BRWD1: variants seen among roughly 807,000 people sequenced by gnomAD.
BRWD1 encodes the protein bromodomain and WD repeat domain containing 1, also known as bromodomain and WD repeat-containing protein 1.
A neutral mutation model predicts 251.2 loss-of-function variants in BRWD1; 82 were observed. That is an observed-to-expected ratio of 0.33 (90% CI 0.27 to 0.39). The LOEUF (loss-of-function observed/expected upper bound fraction) is 0.39. BRWD1 is among the 10% of genes least tolerant of loss of function. BRWD1 has a pLI of 1.00. For synonymous variants in BRWD1, 918 were observed against 902.8 expected, an observed-to-expected ratio of 1.02 and a Z score of -0.30; for missense variants, 2,233 against 2,711.6, an observed-to-expected ratio of 0.82 and a Z score of 3.92.
intron 13 of BRWD1, among the ~76,000 whole-genome samples, chr21:39,272,506 G>A (rs939833628): frequency 8.7e-5 from 13 of 149,962 alleles, no homozygotes; most frequent in African/African-American, 1.7e-4. Context: ...CAGCCTGGGC[G>A]ACAGAGCAAG....
chr21:39,258,718 CA>C (rs770726409), intron 17 of BRWD1, 46 bp from the exon 18 acceptor site: 448 of 1,335,152 alleles, frequency 3.4e-4, no homozygotes, highest in South Asian at 6.6e-4. Flanking sequence ...AAGCAGAAAA[CA>C]AAAAAAAATT....
chr21:39,249,971 T>TATATA (rs2034341734), intron 20 of BRWD1, among the ~76,000 whole-genome samples: 1 of 149,904 alleles, frequency 6.7e-6, no homozygotes, highest in African/African-American at 2.5e-5. Flanking sequence ...CACACACACA[T>TATATA]AGATATATAT....
intron 8 of BRWD1, among the ~76,000 whole-genome samples, chr21:39,286,750 G>T (rs1011700553): frequency 1.1e-4 from 16 of 151,880 alleles, no homozygotes; most frequent in African/African-American, 3.9e-4. Flanking sequence ...TCCTGACCTC[G>T]TGATCCGCCC....
intron 17 of BRWD1, among the ~76,000 whole-genome samples, chr21:39,264,134 G>A (rs8127391): frequency 0.93 from 141,030 of 152,208 alleles, 65,686 homozygotes; most frequent in African/African-American, 0.97. Flanking sequence ...GAGAATTTTA[G>A]AAGCTATAAA....
intron 37 of BRWD1, among the ~76,000 whole-genome samples, chr21:39,204,787 C>T (rs2032310761): frequency 6.6e-6 from 1 of 152,284 alleles, no homozygotes; most frequent in South Asian, 2.1e-4. Flanking sequence ...AAGGAGCACA[C>T]AACCTGGATC....
At chr21:39,281,879 AATAT>A (rs1555874373) in intron 8 of BRWD1, among the ~76,000 whole-genome samples, 1 of 83,184 alleles carries the variant, frequency 1.2e-5, no homozygotes, top group Admixed American at 1.6e-4. Context: ...TACCAAAAAA[AATAT>A]ATATATATAT....
chr21:39,281,842 G>A (rs1489032523), intron 8 of BRWD1, among the ~76,000 whole-genome samples: 3 of 150,958 alleles, frequency 2.0e-5, no homozygotes, highest in South Asian at 2.1e-4. Flanking sequence ...CACTCCAGCC[G>A]GGACAACACA....
At chr21:39,260,083 AT>A (rs2034692287) in intron 17 of BRWD1, among the ~76,000 whole-genome samples, 1 of 152,136 alleles carries the variant, frequency 6.6e-6, no homozygotes, top group African/African-American at 2.4e-5. Flanking sequence ...GCTAAATGTT[AT>A]ATCTCATATT....
chr21:39,255,951 T>C (rs1300778576), intron 18 of BRWD1, 123 bp from the exon 19 acceptor site: 4 of 874,470 alleles, frequency 4.6e-6, no homozygotes, highest in Non-Finnish European at 6.9e-6. Context: ...GAAGATAGTA[T>C]CTACTGAAAA....
intron 21 of BRWD1, among the ~76,000 whole-genome samples, chr21:39,240,992 G>C (rs1036228959): frequency 1.3e-5 from 2 of 151,386 alleles, no homozygotes; most frequent in East Asian, 2.0e-4. Flanking sequence ...CCTCCACTTC[G>C]TGGGTTCAAA....
rs763460538 is a variant in BRWD1 at position 39,313,232 on chromosome 21, C to G, written c.108+9G>C. On this transcript the variant is annotated intron_variant, in intron 2 of 40. Coordinates refer to ENST00000342449, the MANE Select transcript of BRWD1 (RefSeq NM_033656.4). ...CCAAGTCCGCAGCCGCCCGCGGGCC[C>G]GCACTCACCTGGGCCGCTCTCCGAC... 7 of 1,534,102 alleles carry G rather than the reference C, an allele frequency of 4.6e-6. No individual in the cohort carries two copies. Among genetic ancestry groups the G allele is most frequent in the Non-Finnish European group, 5.3e-6 (6 of 1,134,214 alleles).
chr21:39,282,681 A>G (rs1042250967), intron 8 of BRWD1, among the ~76,000 whole-genome samples: 1 of 152,166 alleles, frequency 6.6e-6, no homozygotes, highest in Admixed American at 6.6e-5. Flanking sequence ...CTAGAGGCCA[A>G]GCACAGTTGC....
chr21:39,311,236 T>C (rs2036473416), intron 4 of BRWD1, among the ~76,000 whole-genome samples: 1 of 152,148 alleles, frequency 6.6e-6, no homozygotes, highest in Non-Finnish European at 1.5e-5. Context: ...GGCAGGAGGA[T>C]AGTTCAATGC....
intron 7 of BRWD1, 113 bp downstream of exon 7, chr21:39,295,630 A>T: frequency 1.2e-6 from 1 of 819,156 alleles, no homozygotes; most frequent in Non-Finnish European, 1.8e-6. Context: ...CACCATACCT[A>T]CTGAGTCAAA....
intron 4 of BRWD1, among the ~76,000 whole-genome samples, chr21:39,308,244 G>A (rs8128620): frequency 6.6e-6 from 1 of 151,952 alleles, no homozygotes; most frequent in Non-Finnish European, 1.5e-5. Context: ...CACTTTGGGA[G>A]GCCAATGCAG....
At chr21:39,319,771 C>T (rs2036730693) in intron 1 of BRWD1, among the ~76,000 whole-genome samples, 1 of 152,266 alleles carries the variant, frequency 6.6e-6, no homozygotes, top group South Asian at 2.1e-4. Flanking sequence ...TCCATTCCCA[C>T]TTAGTTCAGG....
chr21:39,291,937 C>T (rs975561739), intron 8 of BRWD1, among the ~76,000 whole-genome samples: 1 of 152,120 alleles, frequency 6.6e-6, no homozygotes, highest in Non-Finnish European at 1.5e-5. Flanking sequence ...ATGTTTCAGG[C>T]ATAAGTCTCT....
chr21:39,258,217 AC>A (rs2146634099), intron 18 of BRWD1, among the ~76,000 whole-genome samples: 1 of 152,122 alleles, frequency 6.6e-6, no homozygotes, highest in African/African-American at 2.4e-5. Context: ...TATTTTAAAA[AC>A]CAATCTGTTA....
intron 21 of BRWD1, among the ~76,000 whole-genome samples, chr21:39,245,379 CGCCTCTGAA>C (rs769327859): frequency 1.3e-5 from 2 of 152,140 alleles, no homozygotes; most frequent in Non-Finnish European, 2.9e-5. Context: ...CATGTTACCA[CGCCTCTGAA>C]GTACATATTA....
Sources: allele counts gnomAD v4.1 joint callset (sites outside exome capture counted in the v4.1 genomes callset), GRCh38; gene constraint gnomAD v4.1.1; transcripts MANE v1.5; gene names NCBI Gene and HGNC (gene_info 2026-07-23, HGNC 2026-07-21).